The following EIF4ENIF1 variants were observed in gnomAD, a reference collection of about 807,000 sequenced individuals.
The protein encoded by EIF4ENIF1 is eukaryotic translation initiation factor 4E transporter.
A neutral mutation model predicts 110.5 loss-of-function variants in EIF4ENIF1; 23 were observed. That is an observed-to-expected ratio of 0.21 (90% CI 0.15 to 0.29). The LOEUF is 0.29. EIF4ENIF1 is among the 10% of genes least tolerant of loss of function. The pLI is 1.00. For missense variants in EIF4ENIF1, 1,031 were observed against 1,221.1 expected (o/e 0.84, Z 2.32); for synonymous variants, 440 against 437.0 (o/e 1.01, Z -0.09).
intron 2 of EIF4ENIF1, among the ~76,000 whole-genome samples, chr22:31,472,270 A>ATT (rs11404399): frequency 0.043 from 6,133 of 142,178 alleles, 240 homozygotes; most frequent in South Asian, 0.098. Flanking sequence ...TTACAAGGGG[A>ATT]TTTTTTTTTT....
chr22:31,487,867 C>T (rs533457432), intron 2 of EIF4ENIF1, among the ~76,000 whole-genome samples: 1 of 151,840 alleles, frequency 6.6e-6, no homozygotes, highest in Non-Finnish European at 1.5e-5. Context: ...GGATATAACC[C>T]TTCTTGTCAT....
chr22:31,466,713 G>A (rs73398222), intron 4 of EIF4ENIF1, among the ~76,000 whole-genome samples: 1,825 of 152,108 alleles, frequency 0.012, 43 homozygotes, highest in African/African-American at 0.042. Flanking sequence ...AAATGCTTAT[G>A]TTGATTTTGG....
At chr22:31,467,764 GA>G (rs367642825) in intron 4 of EIF4ENIF1, among the ~76,000 whole-genome samples, 1,609 of 151,302 alleles carry the variant, frequency 0.011, 9 homozygotes, top group Middle Eastern at 0.027. Flanking sequence ...AGAGGTTGCA[GA>G]CTAGGCAACA....
At chr22:31,463,632 G>A (rs1336262177) in intron 5 of EIF4ENIF1, 49 bp downstream of exon 5, 3 of 1,468,182 alleles carry the variant, frequency 2.0e-6, no homozygotes, top group Non-Finnish European at 2.7e-6. Context: ...GGCAACAAGA[G>A]CGAAACTCCG....
At chr22:31,465,682 A>G (rs2051161371) in intron 4 of EIF4ENIF1, among the ~76,000 whole-genome samples, 1 of 152,220 alleles carries the variant, frequency 6.6e-6, no homozygotes, top group Admixed American at 6.5e-5. Flanking sequence ...TTTTTACCCA[A>G]GAGAAAAGAA....
chr22:31,448,265 G>A (rs1432519068), intron 12 of EIF4ENIF1, 33 bp from the exon 13 acceptor site: 5 of 1,604,994 alleles, frequency 3.1e-6, no homozygotes, highest in Non-Finnish European at 3.4e-6. Context: ...TGAGTACCAA[G>A]ATGGTATGTG....
chr22:31,475,856 A>T (rs2051552030), intron 2 of EIF4ENIF1, among the ~76,000 whole-genome samples: 1 of 151,928 alleles, frequency 6.6e-6, no homozygotes, highest in Non-Finnish European at 1.5e-5. Flanking sequence ...ACCCTGTCTC[A>T]AAAAAAGAAA....
intron 2 of EIF4ENIF1, among the ~76,000 whole-genome samples, chr22:31,486,475 TAAAC>T (rs2052034328): frequency 6.7e-6 from 1 of 148,966 alleles, no homozygotes; most frequent in South Asian, 2.1e-4. Context: ...AAAAAAATAA[TAAAC>T]AAAAAGTACT....
chr22:31,486,463 C>T (rs2052033450), intron 2 of EIF4ENIF1, among the ~76,000 whole-genome samples: 1 of 149,446 alleles, frequency 6.7e-6, no homozygotes, highest in Admixed American at 6.7e-5. Context: ...GACTCCGGCT[C>T]AAAAAAAATA....
chr22:31,487,771 C>G (rs148941011), intron 2 of EIF4ENIF1, among the ~76,000 whole-genome samples: 5 of 120,582 alleles, frequency 4.1e-5, no homozygotes, highest in African/African-American at 1.6e-4. Flanking sequence ...GCCTCGGCGA[C>G]AAAGTGACGC....
At chr22:31,476,234 C>T (rs930461418) in intron 2 of EIF4ENIF1, among the ~76,000 whole-genome samples, 3 of 152,126 alleles carry the variant, frequency 2.0e-5, no homozygotes, top group Non-Finnish European at 4.4e-5. Flanking sequence ...CAATCTTTCA[C>T]GCTTAAATGT....
At chr22:31,482,938 T>C (rs893561292) in intron 2 of EIF4ENIF1, among the ~76,000 whole-genome samples, 16 of 151,020 alleles carry the variant, frequency 1.1e-4, no homozygotes, top group African/African-American at 3.7e-4. Flanking sequence ...GTAGGGAAAT[T>C]GCTTGAACCC....
intron 10 of EIF4ENIF1, among the ~76,000 whole-genome samples, chr22:31,452,974 C>T (rs1317768373): frequency 6.6e-6 from 1 of 152,138 alleles, no homozygotes; most frequent in Non-Finnish European, 1.5e-5. Flanking sequence ...CATAATGATT[C>T]AAACAGCTAT....
chr22:31,468,327 T>C, intron 3 of EIF4ENIF1, 25 bp from the exon 4 acceptor site: 1 of 1,614,042 alleles, frequency 6.2e-7, no homozygotes, highest in Non-Finnish European at 8.5e-7. Context: ...ATACAACTGT[T>C]AGCACTTACG....
chr22:31,492,305 T>C (rs2052292845), upstream of EIF4ENIF1, among the ~76,000 whole-genome samples: 1 of 152,176 alleles, frequency 6.6e-6, no homozygotes, highest in African/African-American at 2.4e-5. Flanking sequence ...GGCTACCCTA[T>C]ATTCAAAGCA....
chr22:31,448,369 C>G (rs567745436), intron 12 of EIF4ENIF1, 137 bp from the exon 13 acceptor site: 2 of 862,886 alleles, frequency 2.3e-6, no homozygotes, highest in South Asian at 1.5e-5. Flanking sequence ...AGATGTCCCT[C>G]TCCCTCTGTG....
At chr22:31,483,907 A>G (rs2051920503) in intron 2 of EIF4ENIF1, among the ~76,000 whole-genome samples, 1 of 152,236 alleles carries the variant, frequency 6.6e-6, no homozygotes, top group South Asian at 2.1e-4. Context: ...TAACAGGTGC[A>G]TATGATAAAC....
intron 14 of EIF4ENIF1, among the ~76,000 whole-genome samples, chr22:31,446,532 T>C (rs1179183961): frequency 1.3e-5 from 2 of 152,128 alleles, no homozygotes; most frequent in Non-Finnish European, 2.9e-5. Flanking sequence ...GGCACTGTGG[T>C]AGTAACTTTA....
chr22:31,450,644 G>GA (rs2145927873), intron 10 of EIF4ENIF1: 1 of 316,102 alleles, frequency 3.2e-6, no homozygotes, highest in East Asian at 7.4e-5. Context: ...CCAAAAGGGG[G>GA]AAAAATGGTG....
Sources: allele counts gnomAD v4.1 joint callset (sites outside exome capture counted in the v4.1 genomes callset), GRCh38; gene constraint gnomAD v4.1.1; transcripts MANE v1.5; gene names NCBI Gene and HGNC (gene_info 2026-07-23, HGNC 2026-07-21).